DCC: variants seen among roughly 807,000 people sequenced by gnomAD.
The protein encoded by DCC is DCC netrin 1 receptor.
Under a neutral mutation model 172.5 loss-of-function variants are expected in DCC, and 58 were observed. The ratio of observed to expected loss-of-function variants is 0.34; its 90% CI spans 0.27 to 0.42. The LOEUF is 0.42. Ranked by LOEUF, DCC falls within the 10% of genes least tolerant of loss-of-function variation. DCC has a pLI of 1.00. For missense variants in DCC, 1,740 were observed against 1,791.0 expected (o/e 0.97, Z 0.51); for synonymous variants, 709 against 644.5 (o/e 1.10, Z -1.52).
In DCC at chr18:52,791,160, T is replaced by C. The variant is rs79447102; in HGVS notation, c.412+38786T>C. 1.4e-3 allele frequency among the ~76,000 whole-genome samples: 217 copies of C among 152,308 alleles called. No homozygotes were observed. In the East Asian group the frequency reaches 0.023, roughly 16 times the overall value. ...TCCCCCAGGAGTTGCTTTTCTAATT[T>C]TGGGGAATTCTCTCTGTGCCTGTCT... On this transcript the variant is annotated intron_variant, in intron 2 of 28. Transcript: ENST00000442544.
intron 5 of DCC, among the ~76,000 whole-genome samples, chr18:53,015,785 C>T (rs1320566279): frequency 6.6e-6 from 1 of 152,026 alleles, no homozygotes; most frequent in African/African-American, 2.4e-5. Context: ...AACAAATGCA[C>T]TGAACTGAAT....
intron 1 of DCC, among the ~76,000 whole-genome samples, chr18:52,656,008 ATATATGTGTGTATATATATG>A (rs1468938195): frequency 7.4e-4 from 83 of 111,950 alleles, no homozygotes; most frequent in African/African-American, 2.3e-3. Context: ...GTGCGTATAT[ATATATGTGTGTATATATATG>A]TATATATGTG....
intron 1 of DCC, among the ~76,000 whole-genome samples, chr18:52,502,194 G>A (rs1393503254): frequency 6.6e-6 from 1 of 152,018 alleles, no homozygotes; most frequent in Non-Finnish European, 1.5e-5. Context: ...TTGGTTCTAA[G>A]CCTTTTTGTT....
At chr18:53,511,571 G>A (rs902955416) in intron 27 of DCC, among the ~76,000 whole-genome samples, 1 of 152,192 alleles carries the variant, frequency 6.6e-6, no homozygotes, top group African/African-American at 2.4e-5. Flanking sequence ...ACTAGGGAGT[G>A]CCAGACAGTG....
At chr18:52,930,086 C>G (rs1022659438) in intron 5 of DCC, among the ~76,000 whole-genome samples, 3 of 151,868 alleles carry the variant, frequency 2.0e-5, no homozygotes, top group Admixed American at 6.6e-5. Context: ...TATCTTGGAC[C>G]AAATTTGGCT....
At chr18:53,016,974 C>T (rs1290785753) in intron 5 of DCC, among the ~76,000 whole-genome samples, 4 of 151,688 alleles carry the variant, frequency 2.6e-5, no homozygotes, top group Non-Finnish European at 4.4e-5. Context: ...TATTAACATG[C>T]GGCAGAGTAC....
At chr18:53,179,845 C>T (rs1307676989) in intron 9 of DCC, among the ~76,000 whole-genome samples, 4 of 152,090 alleles carry the variant, frequency 2.6e-5, no homozygotes, top group South Asian at 4.1e-4. Context: ...ATGAGTCATT[C>T]GCCAAATTTG....
At chr18:52,605,040 T>A (rs2144824805) in intron 1 of DCC, among the ~76,000 whole-genome samples, 1 of 152,186 alleles carries the variant, frequency 6.6e-6, no homozygotes, top group East Asian at 1.9e-4. Flanking sequence ...AAAATGGAAT[T>A]TGAGTCATTA....
At position 53,432,570 on chromosome 18, in the gene DCC, G is replaced by GGTA. The variant is rs1911685954; in HGVS notation, c.3164-2573_3164-2571dup. Reference sequence around the variant, plus strand: ...AATCAGTGCTTATGAAATTAACCAAGGTAACTAAACACATCCAATATTTGT... The same window carrying GGTA: ...AATCAGTGCTTATGAAATTAACCAAGGTAGTAACTAAACACATCCAATATTTGT... On this transcript the variant is annotated intron_variant, in intron 21 of 28. Transcript: ENST00000442544. Among the ~76,000 whole-genome samples, 3 of 151,972 alleles carry GGTA rather than the reference G, an allele frequency of 2.0e-5. 1 individual carries two copies. In the South Asian group the frequency reaches 6.2e-4, roughly 31 times the overall value.
chr18:53,269,661 T>G (rs2056725843), intron 12 of DCC, among the ~76,000 whole-genome samples: 1 of 152,322 alleles, frequency 6.6e-6, no homozygotes, highest in Non-Finnish European at 1.5e-5. Flanking sequence ...TTGTTTCTCC[T>G]GATAGCTCCA....
At chr18:52,918,370 A>C (rs1322270186) in intron 3 of DCC, among the ~76,000 whole-genome samples, 1 of 152,164 alleles carries the variant, frequency 6.6e-6, no homozygotes, top group Non-Finnish European at 1.5e-5. Flanking sequence ...TTAGTCAACA[A>C]GACTCACAAC....
chr18:53,131,820 A>C (rs1475482640), intron 7 of DCC, among the ~76,000 whole-genome samples: 1 of 152,090 alleles, frequency 6.6e-6, no homozygotes, highest in Admixed American at 6.6e-5. Context: ...AGGTAGGTAG[A>C]GAATTGAGTC....
intron 22 of DCC, among the ~76,000 whole-genome samples, chr18:53,445,059 AAAAT>A (rs1912513026): frequency 6.6e-6 from 1 of 152,172 alleles, no homozygotes. Context: ...AAATTTTTTT[AAAAT>A]AAATATGTTC....
chr18:53,515,040 A>G (rs1198484671), intron 27 of DCC, among the ~76,000 whole-genome samples: 1 of 152,046 alleles, frequency 6.6e-6, no homozygotes, highest in Non-Finnish European at 1.5e-5. Context: ...CATTGATGCA[A>G]AAATCCTCAA....
intron 15 of DCC, among the ~76,000 whole-genome samples, chr18:53,382,527 C>T (rs1907838392): frequency 6.6e-6 from 1 of 151,980 alleles, no homozygotes; most frequent in South Asian, 2.1e-4. Context: ...TTTTTCAGAC[C>T]TCTAAATGTA....
intron 5 of DCC, among the ~76,000 whole-genome samples, chr18:53,017,360 C>A (rs1044037332): frequency 6.6e-6 from 1 of 152,252 alleles, no homozygotes; most frequent in East Asian, 1.9e-4. Context: ...ACTAGTCATT[C>A]TAAAGGAACA....
At chr18:53,380,198 T>A (rs1421369840) in intron 15 of DCC, among the ~76,000 whole-genome samples, 1 of 152,186 alleles carries the variant, frequency 6.6e-6, no homozygotes, top group Non-Finnish European at 1.5e-5. Flanking sequence ...GCAATTCTTT[T>A]GTGATTTACT....
chr18:52,815,194 G>A lies in DCC; in HGVS notation c.412+62820G>A, dbSNP rs76908163. On this transcript the variant is annotated intron_variant, in intron 2 of 28. Coordinates refer to ENST00000442544, the MANE Select transcript of DCC (RefSeq NM_005215.4). ...GGACTGATTAGCATCTGTTTAATGA[G>A]TAGAAAGTTAGGTAATTGACATGAA... is the stretch of plus-strand genomic sequence containing the variant. 1.9e-3 allele frequency among the ~76,000 whole-genome samples: 284 copies of A among 152,216 alleles called. No individual in the cohort carries two copies. The East Asian group carries it at 0.024, about 13-fold the overall frequency.
At chr18:53,190,595 TATTA>T (rs1420393108) in intron 9 of DCC, among the ~76,000 whole-genome samples, 1 of 152,128 alleles carries the variant, frequency 6.6e-6, no homozygotes, top group African/African-American at 2.4e-5. Flanking sequence ...TTAAAATTCT[TATTA>T]ATTCACCATT....
Sources: gnomAD v4.1 joint callset for allele counts (sites outside exome capture counted in the v4.1 genomes callset) on GRCh38, gnomAD v4.1.1 for gene constraint, MANE v1.5 for transcripts, NCBI Gene and HGNC (gene_info 2026-07-23, HGNC 2026-07-21) for gene names.